Variants in SNTG1 observed in about 807,000 individuals in gnomAD.
SNTG1 encodes gamma-1-syntrophin.
In SNTG1, 39 loss-of-function variants were observed where a neutral mutation model predicts 74.7. The ratio of observed to expected loss-of-function variants is 0.52; its 90% confidence interval spans 0.40 to 0.68. SNTG1 has a LOEUF of 0.68. Among genes scored for constraint, SNTG1 ranks in the 30% least tolerant of loss-of-function variants. The pLI is 0.00. For missense variants in SNTG1, 685 were observed against 609.5 expected, an observed-to-expected ratio of 1.12 and a Z score of -1.30; for synonymous variants, 254 against 217.1, an observed-to-expected ratio of 1.17 and a Z score of -1.49.
At chr8:50,347,114 CT>C (rs2130973465) in intron 2 of SNTG1, among the ~76,000 whole-genome samples, 1 of 152,334 alleles carries the variant, frequency 6.6e-6, no homozygotes, top group African/African-American at 2.4e-5. Context: ...TTAGGACTTT[CT>C]CAAATAGAGA....
chr8:50,759,028 A>T (rs1318800138), intron 18 of SNTG1, among the ~76,000 whole-genome samples: 1 of 152,076 alleles, frequency 6.6e-6, no homozygotes, highest in Non-Finnish European at 1.5e-5. Flanking sequence ...ATGGTATCTC[A>T]TTGTGGTTTT....
intron 8 of SNTG1, 40 bp from the exon 9 acceptor site, chr8:50,502,738 A>G (rs1563485935): frequency 6.6e-7 from 1 of 1,504,842 alleles, no homozygotes; most frequent in Admixed American, 1.7e-5. Flanking sequence ...TAACATGATA[A>G]ATGTAATGAT....
At chr8:50,678,645 G>T (rs1235577845) in intron 15 of SNTG1, among the ~76,000 whole-genome samples, 2 of 151,942 alleles carry the variant, frequency 1.3e-5, no homozygotes, top group East Asian at 1.9e-4. Flanking sequence ...GTCCATACAT[G>T]ATTGAAGGAA....
intron 2 of SNTG1, among the ~76,000 whole-genome samples, chr8:50,263,857 G>A (rs1192630713): frequency 6.6e-6 from 1 of 152,144 alleles, no homozygotes; most frequent in South Asian, 2.1e-4. Context: ...GACATGTGTA[G>A]AACACTTCAC....
intron 2 of SNTG1, among the ~76,000 whole-genome samples, chr8:50,187,494 A>G (rs2083427039): frequency 6.6e-6 from 1 of 152,146 alleles, no homozygotes; most frequent in African/African-American, 2.4e-5. Flanking sequence ...AAAATGTTAT[A>G]CTTACATTTT....
In SNTG1 at chr8:50,417,951, C is replaced by T. The variant is rs184929826; in HGVS notation, c.162+15607C>T. Among the ~76,000 whole-genome samples the T allele has an allele frequency of 1.4e-3, 213 of 150,032 alleles. 1 individual carries two copies. The highest frequency in any genetic ancestry group is 4.8e-3 in the African/African-American group (200 of 41,416). On this transcript the variant is annotated intron_variant, in intron 4 of 18. Transcript: ENST00000642720. ...CAATTTCCCACTGCATTTGATGATT[C>T]CCACTGTATTTGATTGCATCATCAA...
chr8:50,588,266 T>C (rs557988061), intron 12 of SNTG1, among the ~76,000 whole-genome samples: 69 of 152,310 alleles, frequency 4.5e-4, no homozygotes, highest in African/African-American at 1.6e-3. Flanking sequence ...GGAAATTATC[T>C]TTAAAATGGA....
In SNTG1 at chr8:50,030,004, G is replaced by T. The variant is rs765856990; in HGVS notation, c.-103+117773G>T. On this transcript the variant is annotated intron_variant, in intron 1 of 18. Coordinates refer to ENST00000642720, the MANE Select transcript of SNTG1 (RefSeq NM_018967.5). ...TTCCCCATTCTTGACATCCTCACCA[G>T]CATTTTTTATTGCTTACCGTTTAGA... Among the ~76,000 whole-genome samples the T allele has an allele frequency of 8.5e-5, 13 of 152,088 alleles. 1 individual carries two copies. The highest frequency in any genetic ancestry group is 2.1e-4 in the South Asian group (1 of 4,824).
intron 8 of SNTG1, among the ~76,000 whole-genome samples, chr8:50,460,672 G>T (rs1047381756): frequency 6.6e-6 from 1 of 152,142 alleles, no homozygotes; most frequent in Non-Finnish European, 1.5e-5. Flanking sequence ...TATAGTGAAA[G>T]GTAGGGGTCC....
chr8:50,689,381 G>T (rs563923165), intron 15 of SNTG1, among the ~76,000 whole-genome samples: 2 of 152,146 alleles, frequency 1.3e-5, no homozygotes, highest in Non-Finnish European at 2.9e-5. Context: ...ATTGGCTGTG[G>T]GTTTGTCATA....
At chr8:49,983,094 C>A (rs758584606) in intron 1 of SNTG1, among the ~76,000 whole-genome samples, 1 of 152,180 alleles carries the variant, frequency 6.6e-6, no homozygotes, top group African/African-American at 2.4e-5. Context: ...GGGATTTATA[C>A]CACAGTCATT....
At chr8:50,722,530 C>T (rs370163893) in intron 17 of SNTG1, among the ~76,000 whole-genome samples, 1 of 152,088 alleles carries the variant, frequency 6.6e-6, no homozygotes, top group Admixed American at 6.6e-5. Context: ...TAATGCTTAC[C>T]TGTTTGCATG....
intron 1 of SNTG1, among the ~76,000 whole-genome samples, chr8:50,028,331 A>T (rs1470415194): frequency 6.6e-6 from 1 of 152,094 alleles, no homozygotes; most frequent in Non-Finnish European, 1.5e-5. Flanking sequence ...CATGGTATGG[A>T]TGGTTAAACA....
At position 50,061,844 on chromosome 8, in the gene SNTG1, T is replaced by C. The variant is rs866756909; in HGVS notation, c.-102-110717T>C. Among the ~76,000 whole-genome samples the C allele has an allele frequency of 1.3e-4, 20 of 152,296 alleles. 1 individual carries two copies. In the East Asian group the frequency reaches 1.5e-3, roughly 12 times the overall value. On this transcript the variant is annotated intron_variant, in intron 1 of 18. Transcript: ENST00000642720. Reference sequence around the variant, plus strand: ...TTATTGTCAGAGAATTTCAATTCTTTCAAATTTGTTGAGATTTATTTCACG... The same window carrying C: ...TTATTGTCAGAGAATTTCAATTCTTCCAAATTTGTTGAGATTTATTTCACG...
At chr8:50,218,259 T>C (rs1364246289) in intron 2 of SNTG1, among the ~76,000 whole-genome samples, 23 of 152,192 alleles carry the variant, frequency 1.5e-4, no homozygotes, top group Admixed American at 1.4e-3. Flanking sequence ...ATTACACAAT[T>C]GAGGCCTGAA....
chr8:50,544,747 C>A (rs1385245017), intron 11 of SNTG1, among the ~76,000 whole-genome samples: 1 of 151,994 alleles, frequency 6.6e-6, no homozygotes, highest in Admixed American at 6.6e-5. Flanking sequence ...TAGAGATTCA[C>A]ATTCAAGAGC....
intron 1 of SNTG1, among the ~76,000 whole-genome samples, chr8:50,012,272 G>T (rs560697956): frequency 2.6e-5 from 4 of 152,200 alleles, no homozygotes; most frequent in Non-Finnish European, 4.4e-5. Flanking sequence ...TGCAACTGAG[G>T]TGGTTTATTT....
At position 50,541,646 on chromosome 8, in the gene SNTG1, TTTTC is replaced by T. The variant is rs1449927505; in HGVS notation, c.680+4842_680+4845del. Among the ~76,000 whole-genome samples the T allele has an allele frequency of 5.3e-5, 8 of 152,166 alleles. No homozygotes were observed. The East Asian group carries it at 1.3e-3, about 26-fold the overall frequency. On this transcript the variant is annotated intron_variant, in intron 11 of 18. Transcript: ENST00000642720. ...AATATCCATCATCTTAGTATTTGTC[TTTTC>T]TTTATGTGAGAACTATTCAAATCCT...
intron 13 of SNTG1, among the ~76,000 whole-genome samples, chr8:50,626,833 C>A (rs2094959701): frequency 6.6e-6 from 1 of 152,164 alleles, no homozygotes; most frequent in Non-Finnish European, 1.5e-5. Flanking sequence ...AGTTTTGGGG[C>A]CAGTTTTTGG....
Sources: allele counts gnomAD v4.1 joint callset (sites outside exome capture counted in the v4.1 genomes callset), GRCh38; gene constraint gnomAD v4.1.1; transcripts MANE v1.5; gene names NCBI Gene and HGNC (gene_info 2026-07-23, HGNC 2026-07-21).